DOCK10: variants seen among roughly 807,000 people sequenced by gnomAD.
DOCK10 encodes dedicator of cytokinesis protein 10.
In DOCK10, 145 loss-of-function variants were observed where a neutral mutation model predicts 280.1. The observed-to-expected ratio is 0.52, with a 90% CI of 0.45 to 0.59. DOCK10 has a LOEUF of 0.59. DOCK10 is among the 20% of genes least tolerant of loss of function. The pLI is 0.00. For missense variants in DOCK10, 2,368 were observed against 2,651.7 expected (o/e 0.89, Z 2.35); for synonymous variants, 915 against 942.2 (o/e 0.97, Z 0.53).
chr2:224,911,120 C>T (rs1425367950), intron 3 of DOCK10, among the ~76,000 whole-genome samples: 1 of 152,074 alleles, frequency 6.6e-6, no homozygotes, highest in East Asian at 1.9e-4. Flanking sequence ...GGGCGAAAGG[C>T]ACTCTACTTG....
At chr2:224,840,668 G>A (rs1695904518) in intron 23 of DOCK10, among the ~76,000 whole-genome samples, 1 of 152,090 alleles carries the variant, frequency 6.6e-6, no homozygotes, top group Non-Finnish European at 1.5e-5. Context: ...TGGTAAGAAT[G>A]TAAATCAGAA....
intron 11 of DOCK10, among the ~76,000 whole-genome samples, chr2:224,866,621 G>C (rs1278239874): frequency 6.6e-6 from 1 of 152,126 alleles, no homozygotes; most frequent in African/African-American, 2.4e-5. Flanking sequence ...GCGACCAATG[G>C]TGATTTTTCA....
intron 22 of DOCK10, among the ~76,000 whole-genome samples, chr2:224,843,468 C>A (rs1003662550): frequency 6.6e-6 from 1 of 152,096 alleles, no homozygotes; most frequent in Non-Finnish European, 1.5e-5. Context: ...TTGACCAGGG[C>A]TGATGGCATC....
At chr2:225,027,769 T>G (rs533099207) in intron 1 of DOCK10, among the ~76,000 whole-genome samples, 4 of 152,298 alleles carry the variant, frequency 2.6e-5, no homozygotes, top group South Asian at 2.1e-4. Context: ...AAACCTCTTT[T>G]CTTTACAAAG....
intron 1 of DOCK10, among the ~76,000 whole-genome samples, chr2:225,004,590 G>A (rs1706521390): frequency 6.6e-6 from 1 of 152,242 alleles, no homozygotes; most frequent in African/African-American, 2.4e-5. Context: ...ACTTCCCAGA[G>A]CCACAGAGCT....
chr2:224,945,484 T>C (rs1173074451), intron 1 of DOCK10, among the ~76,000 whole-genome samples: 3 of 152,118 alleles, frequency 2.0e-5, no homozygotes, highest in Admixed American at 1.3e-4. Context: ...TATTCACCAA[T>C]GGCAGACACA....
chr2:224,782,980 G>T (rs559475343), intron 50 of DOCK10, among the ~76,000 whole-genome samples: 3 of 152,154 alleles, frequency 2.0e-5, no homozygotes, highest in Non-Finnish European at 4.4e-5. Context: ...ACACGTTCGG[G>T]GGAATGCTCA....
At position 224,765,433 on chromosome 2, in the gene DOCK10, A is replaced by AT. The variant is rs1690033590; in HGVS notation, c.*287_*288insA. The AT allele has an allele frequency of 6.6e-6, 2 of 303,450 alleles. No homozygotes were observed. The highest frequency in any genetic ancestry group is 4.3e-5 in the African/African-American group (2 of 46,110). 18.8% of individuals were successfully genotyped at this position (303,450 alleles called of 1,614,324 possible). Reference sequence around the variant, plus strand: ...AAAATATGTGTACTAGGACTGGGGTACTGACCATACAATAACTGACAGCAA... The same window carrying AT: ...AAAATATGTGTACTAGGACTGGGGTATCTGACCATACAATAACTGACAGCAA... On this transcript the variant is annotated 3_prime_UTR_variant, in exon 56 of 56. Coordinates refer to ENST00000258390, the MANE Select transcript of DOCK10 (RefSeq NM_014689.3).
intron 1 of DOCK10, among the ~76,000 whole-genome samples, chr2:224,964,570 T>C (rs1372880214): frequency 6.6e-6 from 1 of 152,146 alleles, no homozygotes; most frequent in Non-Finnish European, 1.5e-5. Flanking sequence ...AGTGGCATCA[T>C]TATAGCTCAC....
At chr2:224,927,756 T>C (rs769943020) in intron 2 of DOCK10, among the ~76,000 whole-genome samples, 2 of 152,224 alleles carry the variant, frequency 1.3e-5, no homozygotes, top group Non-Finnish European at 2.9e-5. Context: ...AGTGCTGTTC[T>C]ATATTCAGCA....
At chr2:224,876,381 T>A (rs1342166437) in intron 7 of DOCK10, among the ~76,000 whole-genome samples, 160 bp from the exon 8 acceptor site, 1 of 152,152 alleles carries the variant, frequency 6.6e-6, no homozygotes, top group Non-Finnish European at 1.5e-5. Context: ...ATGGGTCTGA[T>A]CATTTTGTTT....
At chr2:225,022,963 C>G (rs1280365581) in intron 1 of DOCK10, among the ~76,000 whole-genome samples, 2 of 152,152 alleles carry the variant, frequency 1.3e-5, no homozygotes, top group Non-Finnish European at 2.9e-5. Context: ...TAATTACCAA[C>G]ATAGTTTGGA....
intron 30 of DOCK10, 24 bp from the exon 31 acceptor site, chr2:224,814,388 T>A: frequency 7.1e-7 from 1 of 1,402,250 alleles, no homozygotes; most frequent in Non-Finnish European, 9.7e-7. Flanking sequence ...AAATAAAAAG[T>A]TCAGATATAT....
chr2:224,957,704 A>T (rs754386249), intron 1 of DOCK10, among the ~76,000 whole-genome samples: 1 of 152,078 alleles, frequency 6.6e-6, no homozygotes, highest in Non-Finnish European at 1.5e-5. Context: ...AGAACCTCAG[A>T]CCTACTGTCC....
At position 225,042,154 on chromosome 2, in the gene DOCK10, C is replaced by T. The variant is rs1181800442; in HGVS notation, c.123+98G>A. ...TGCGGAGGAGAGGACCCGTGAGCTG[C>T]GGGGACCTGGGCCCGCCGAGCTTTT... On this transcript the variant is annotated intron_variant, in intron 1 of 55. Coordinates refer to ENST00000258390, the MANE Select transcript of DOCK10 (RefSeq NM_014689.3). The surrounding 1 kb of genome is among the most constrained non-coding windows in gnomAD (Gnocchi z 5.1). 3.4e-6 allele frequency: 4 copies of T among 1,185,418 alleles called. No homozygotes were observed. The East Asian group carries it at 1.4e-4, about 40-fold the overall frequency. The allele number at this position is 1,185,418 out of a possible 1,614,324, so 73.4% of individuals were successfully genotyped here. A position where few individuals can be genotyped will look rare whatever the true frequency, so the allele number is the denominator to read the frequency against.
At position 225,039,994 on chromosome 2, in the gene DOCK10, G is replaced by A. The variant is rs142237262; in HGVS notation, c.123+2258C>T. On this transcript the variant is annotated intron_variant, in intron 1 of 55. Transcript: ENST00000258390. ...GGTTCTATGAGTCTGTACTGAAGTCGGATATCCATAATATTTTCCCCAACA... is the reference window on the plus strand; with the variant it reads ...GGTTCTATGAGTCTGTACTGAAGTCAGATATCCATAATATTTTCCCCAACA... 4.9e-3 allele frequency among the ~76,000 whole-genome samples: 741 copies of A among 152,138 alleles called. 1 individual carries two copies. Among genetic ancestry groups the A allele is most frequent in the Admixed American group, 8.1e-3 (124 of 15,288 alleles).
chr2:224,935,026 C>G (rs1702608121), intron 1 of DOCK10, among the ~76,000 whole-genome samples: 1 of 152,098 alleles, frequency 6.6e-6, no homozygotes, highest in East Asian at 1.9e-4. Context: ...ATCTAGTTCC[C>G]CAAATCCACA....
At chr2:224,773,951 T>G (rs1690641677) in intron 52 of DOCK10, among the ~76,000 whole-genome samples, 1 of 152,158 alleles carries the variant, frequency 6.6e-6, no homozygotes, top group African/African-American at 2.4e-5. Context: ...TTCTAAACAC[T>G]GAAAAGATTA....
chr2:225,027,670 C>T (rs1689953440), intron 1 of DOCK10, among the ~76,000 whole-genome samples: 1 of 152,138 alleles, frequency 6.6e-6, no homozygotes. Flanking sequence ...CTTTGCCTTC[C>T]TCCATGATTA....
Sources: allele counts gnomAD v4.1 joint callset (sites outside exome capture counted in the v4.1 genomes callset), GRCh38; gene constraint gnomAD v4.1.1; non-coding constraint Gnocchi (gnomAD v3.1); transcripts MANE v1.5; gene names NCBI Gene and HGNC (gene_info 2026-07-23, HGNC 2026-07-21).